INTS6L: variants seen among roughly 807,000 people sequenced by gnomAD.
The protein encoded by INTS6L is integrator complex subunit 6-like.
INTS6L carries 18 observed loss-of-function variants against 64.7 expected under a neutral mutation model. The ratio of observed to expected loss-of-function variants is 0.28; its 90% CI spans 0.19 to 0.41. The LOEUF (loss-of-function observed/expected upper bound fraction) is 0.41. INTS6L is among the 10% of genes least tolerant of loss of function. INTS6L has a pLI of 1.00. For missense variants in INTS6L, 533 were observed against 661.0 expected (o/e 0.81, Z 2.12); for synonymous variants, 227 against 235.9 (o/e 0.96, Z 0.34).
At chrX:135,558,880 G>A (rs1325623229) in intron 9 of INTS6L, among the ~76,000 whole-genome samples, 6 of 105,791 alleles carry the variant, frequency 5.7e-5, no homozygotes, top group African/African-American at 1.7e-4. Flanking sequence ...CCACCTCCCA[G>A]GTTCAAGTGA....
chrX:135,573,893 T>C, intron 12 of INTS6L, 46 bp from the exon 13 acceptor site: 1 of 1,142,156 alleles, frequency 8.8e-7, no homozygotes, highest in Non-Finnish European at 1.2e-6. Context: ...ATTTCTATAT[T>C]AAAAGCCTTA....
At chrX:135,580,633 T>G (rs2087347594) in intron 16 of INTS6L, among the ~76,000 whole-genome samples, 1 of 112,482 alleles carries the variant, frequency 8.9e-6, no homozygotes, top group Non-Finnish European at 1.9e-5. Context: ...TGACCTCTGC[T>G]TCTGTCTTTA....
intron 2 of INTS6L, among the ~76,000 whole-genome samples, chrX:135,538,272 T>C (rs1317501506): frequency 1.8e-5 from 2 of 112,655 alleles, no homozygotes; most frequent in Non-Finnish European, 3.7e-5. Context: ...GTAAATCCTT[T>C]GTTGTCATTT....
At chrX:135,547,708 C>T (rs782335435) in intron 6 of INTS6L, among the ~76,000 whole-genome samples, 1 of 111,964 alleles carries the variant, frequency 8.9e-6, no homozygotes, top group Non-Finnish European at 1.9e-5. Flanking sequence ...AGGAACTGCT[C>T]ATCTTCTCTA....
At chrX:135,521,433 G>A in intron 2 of INTS6L, 115 bp downstream of exon 2, 5 of 764,999 alleles carry the variant, frequency 6.5e-6, no homozygotes, top group Non-Finnish European at 9.2e-6. Flanking sequence ...GGCGGGCGGC[G>A]AGGGGGTGCG....
chrX:135,581,116 T>C lies in INTS6L; in HGVS notation c.2561T>C (p.Val854Ala). Residue 854 changes from valine to alanine, a missense_variant, in exon 17 of 18, where the codon GTT becomes GCT. Physicochemically the swap from Val to Ala is moderately conservative, Grantham distance 64 (BLOSUM62 0). Coordinates refer to ENST00000639893, the MANE Select transcript of INTS6L (RefSeq NM_001351601.3). ...QGPLEMKKQF[V>A]EFTIKEAARF... Reference sequence around the variant, plus strand: ...CCTCTGGAGATGAAGAAACAGTTTGTTGAATTTACCATCAAGGAAGCCGCA... The same window carrying C: ...CCTCTGGAGATGAAGAAACAGTTTGCTGAATTTACCATCAAGGAAGCCGCA... The C allele has an allele frequency of 8.4e-7, 1 of 1,195,739 alleles. No individual in the cohort carries two copies. The highest frequency in any genetic ancestry group is 1.1e-6 in the Non-Finnish European group (1 of 889,275).
intron 2 of INTS6L, among the ~76,000 whole-genome samples, chrX:135,534,688 T>C (rs1189894045): frequency 1.9e-5 from 2 of 105,963 alleles, no homozygotes; most frequent in East Asian, 2.9e-4. Flanking sequence ...TTTTCTTTTT[T>C]TTTTTTTTTT....
At position 135,561,316 on chromosome X, in the gene INTS6L, A is replaced by G. The variant is rs2086784997; in HGVS notation, c.1192+5016A>G. Among the ~76,000 whole-genome samples the G allele has an allele frequency of 2.7e-5, 3 of 112,080 alleles. No homozygotes were observed. In the Admixed American group the frequency reaches 2.8e-4, roughly 11 times the overall value. ...ATTTTTCTTCTTTAGTCTGTTAAGT[A>G]TGATGGATTACACTGACTAATTTTC... On this transcript the variant is annotated intron_variant, in intron 9 of 17. Coordinates refer to ENST00000639893, the MANE Select transcript of INTS6L (RefSeq NM_001351601.3).
chrX:135,579,529 G>A (rs1247307117), intron 15 of INTS6L, among the ~76,000 whole-genome samples: 1 of 111,924 alleles, frequency 8.9e-6, no homozygotes, highest in Non-Finnish European at 1.9e-5. Flanking sequence ...TAACGCATGA[G>A]TACCAGGGAT....
intron 15 of INTS6L, 51 bp from the exon 16 acceptor site, chrX:135,579,737 G>A (rs375848375): frequency 1.8e-6 from 2 of 1,130,881 alleles, no homozygotes; most frequent in East Asian, 3.0e-5. Context: ...TACCTGTGGG[G>A]TTGACATAAT....
intron 2 of INTS6L, among the ~76,000 whole-genome samples, chrX:135,539,965 T>C (rs1218692705): frequency 9.0e-6 from 1 of 111,599 alleles, no homozygotes; most frequent in Non-Finnish European, 1.9e-5. Flanking sequence ...ATAAAAGATA[T>C]AATAATAATG....
chrX:135,542,413 G>A (rs1556513153), intron 2 of INTS6L, among the ~76,000 whole-genome samples: 3 of 109,898 alleles, frequency 2.7e-5, no homozygotes, highest in South Asian at 3.9e-4. Flanking sequence ...CACAAGAATC[G>A]CTTGAACCTG....
chrX:135,532,187 A>G (rs955831176), intron 2 of INTS6L, among the ~76,000 whole-genome samples: 1 of 112,253 alleles, frequency 8.9e-6, no homozygotes, highest in South Asian at 3.7e-4. Context: ...GACAGCCCAC[A>G]TAACTAGACA....
Position 135,520,827 on chromosome X carries a change from G to C in INTS6L, c.-166G>C. On this transcript the variant is annotated 5_prime_UTR_variant, in exon 1 of 18. Coordinates refer to ENST00000639893, the MANE Select transcript of INTS6L (RefSeq NM_001351601.3). Reference sequence around the variant, plus strand: ...GAGAGGAGGTGGGGCTGCAGAAAGAGGAGGCCAGGAGCGGTCCCATCCGTC... The same window carrying C: ...GAGAGGAGGTGGGGCTGCAGAAAGACGAGGCCAGGAGCGGTCCCATCCGTC... The C allele has an allele frequency of 2.1e-6, 1 of 479,465 alleles. No individual in the cohort carries two copies. The highest frequency in any genetic ancestry group is 3.3e-5 in the South Asian group (1 of 30,048). 39.5% of individuals were successfully genotyped at this position (479,465 alleles called of 1,213,427 possible).
rs975321757 is a variant in INTS6L, at chrX:135,563,313, G to T, written c.1193-6024G>T. Among the ~76,000 whole-genome samples the T allele has an allele frequency of 2.7e-5, 3 of 110,421 alleles. No homozygotes were observed. The East Asian group carries it at 8.4e-4, about 31-fold the overall frequency. ...ATCTGAACTATTTTATGTACAATTA[G>T]AAATACATGAGGCAGTGTTATAACT... On this transcript the variant is annotated intron_variant, in intron 9 of 17. Transcript: ENST00000639893.
intron 14 of INTS6L, among the ~76,000 whole-genome samples, 160 bp downstream of exon 14, chrX:135,575,386 G>C (rs1297302170): frequency 8.9e-6 from 1 of 112,322 alleles, no homozygotes; most frequent in African/African-American, 3.2e-5. Context: ...TGATGCAAGA[G>C]TGTGTTGGTT....
intron 2 of INTS6L, among the ~76,000 whole-genome samples, chrX:135,529,111 T>G (rs2085832467): frequency 8.9e-6 from 1 of 112,085 alleles, no homozygotes; most frequent in South Asian, 3.7e-4. Flanking sequence ...TGAATGTAAC[T>G]GCAGTAATTC....
At chrX:135,554,257 C>G (rs928467235) in intron 8 of INTS6L, among the ~76,000 whole-genome samples, 3 of 112,196 alleles carry the variant, frequency 2.7e-5, no homozygotes, top group South Asian at 3.7e-4. Flanking sequence ...AAATTCAGTG[C>G]TTTTCCTTTC....
At chrX:135,562,414 G>T (rs1482512819) in intron 9 of INTS6L, among the ~76,000 whole-genome samples, 3 of 111,898 alleles carry the variant, frequency 2.7e-5, no homozygotes, top group African/African-American at 9.7e-5. Flanking sequence ...TTGCTTTATG[G>T]CAAAGCATAT....
Sources: allele counts gnomAD v4.1 joint callset (sites outside exome capture counted in the v4.1 genomes callset), GRCh38; gene constraint gnomAD v4.1.1; transcripts MANE v1.5; gene names NCBI Gene and HGNC (gene_info 2026-07-23, HGNC 2026-07-21).